The following AATK variants were observed in gnomAD, a reference collection of about 807,000 sequenced individuals.
AATK encodes the protein lemur tail kinase 1, also known as serine/threonine-protein kinase LMTK1.
Under a neutral mutation model 114.3 loss-of-function variants are expected in AATK, and 91 were observed. The observed-to-expected ratio is 0.80, with a 90% CI of 0.67 to 0.95. The LOEUF is 0.95. AATK is among the 40% of genes least tolerant of loss of function. The probability of loss-of-function intolerance (pLI) is 0.00; values close to 1 mark genes in which losing one functional copy is unlikely to be tolerated. For synonymous variants in AATK, 1,075 were observed against 916.5 expected (o/e 1.17, Z -3.12); for missense variants, 2,176 against 1,965.2 (o/e 1.11, Z -2.03).
chr17:81,132,728 C>T, intron 2 of AATK: 2 of 276,018 alleles, frequency 7.2e-6, no homozygotes, highest in Non-Finnish European at 1.5e-5. Context: ...GCATTGGGGG[C>T]CTGCCCAGCC....
At chr17:81,133,852 C>G (rs922106434) in intron 2 of AATK, among the ~76,000 whole-genome samples, 2 of 152,156 alleles carry the variant, frequency 1.3e-5, no homozygotes, top group Non-Finnish European at 2.9e-5. Flanking sequence ...CACACATCGT[C>G]CCCTCCAGAA....
intron 13 of AATK, among the ~76,000 whole-genome samples, chr17:81,119,172 GT>G (rs753031173): frequency 0.043 from 6,182 of 144,600 alleles, 150 homozygotes; most frequent in South Asian, 0.06. Context: ...TCAGGTGAGG[GT>G]CAGGTGAGGG....
chr17:81,136,990 G>T (rs569893720), intron 1 of AATK, among the ~76,000 whole-genome samples: 3 of 152,158 alleles, frequency 2.0e-5, no homozygotes, highest in African/African-American at 7.2e-5. Flanking sequence ...GGGCGCGGTG[G>T]CTCATGCCTG....
In AATK at chr17:81,158,418, T is replaced by C. The variant is rs567081792; in HGVS notation, c.55+7520A>G. Among the ~76,000 whole-genome samples, 5 of 152,272 alleles carry C rather than the reference T, an allele frequency of 3.3e-5. No individual in the cohort carries two copies. In the East Asian group the frequency reaches 9.7e-4, roughly 29 times the overall value. Reference sequence around the variant, plus strand: ...TGGTCAGTGTCTGCACCCAGCTCCCTGGGAAGGAAAGCGGGGCGTGTGCCG... The same window carrying C: ...TGGTCAGTGTCTGCACCCAGCTCCCCGGGAAGGAAAGCGGGGCGTGTGCCG... On this transcript the variant is annotated intron_variant, in intron 1 of 13. Transcript: ENST00000326724.
intron 1 of AATK, among the ~76,000 whole-genome samples, chr17:81,156,291 TG>T (rs1188139014): frequency 1.3e-5 from 2 of 149,132 alleles, no homozygotes; most frequent in African/African-American, 2.6e-5. Flanking sequence ...TTACAATGTA[TG>T]TTACTATGGC....
Position 81,126,380 on chromosome 17 carries a change from GGGCCTGGCCTAGGGCTTCCCGGCCGCT to G in AATK, c.755+20_755+46del. Reference sequence around the variant, plus strand: ...GCCCTATGCCCTTCCTTCAGGGGAGGGGCCTGGCCTAGGGCTTCCCGGCCGCTGGCCCGCGCCCGCCCTCACCTGTGC... The same window carrying G: ...GCCCTATGCCCTTCCTTCAGGGGAGGGGCCCGCGCCCGCCCTCACCTGTGC... On this transcript the variant is annotated intron_variant, in intron 7 of 13. Transcript: ENST00000326724. This position sits in a 1 kb window ranked among gnomAD's most constrained non-coding sequence, Gnocchi z 5.1. 6.6e-7 allele frequency: 1 copy of G among 1,523,422 alleles called. No individual in the cohort carries two copies. Among genetic ancestry groups the G allele is most frequent in the Non-Finnish European group, 8.9e-7 (1 of 1,129,076 alleles). 94.4% of individuals were successfully genotyped at this position (1,523,422 alleles called of 1,614,324 possible).
At chr17:81,131,020 C>T (rs1268927605) in intron 3 of AATK, 41 bp downstream of exon 3, 1 of 1,536,442 alleles carries the variant, frequency 6.5e-7, no homozygotes, top group Middle Eastern at 1.8e-4. Context: ...AGCACCTGGG[C>T]CCCGGAGGGA....
At chr17:81,162,515 G>A (rs1169459115) in intron 1 of AATK, among the ~76,000 whole-genome samples, 14 of 152,150 alleles carry the variant, frequency 9.2e-5, no homozygotes, top group Non-Finnish European at 2.9e-5. Flanking sequence ...GAGGACTCCC[G>A]GGGACCACCC....
chr17:81,123,290 G>T lies in AATK; in HGVS notation c.1016C>A (p.Pro339His), dbSNP rs1229662442. 77 of 1,405,006 alleles carry T rather than the reference G, an allele frequency of 5.5e-5. No individual in the cohort carries two copies. The highest frequency in any genetic ancestry group is 6.4e-5 in the Non-Finnish European group (69 of 1,078,790). 87.0% of individuals were successfully genotyped at this position (1,405,006 alleles called of 1,614,324 possible). A position where few individuals can be genotyped will look rare whatever the true frequency, so the allele number is the denominator to read the frequency against. ...CAGCACCTGCTGGTCCGAGTGCTGG[G>T]GATAGGGCTGCGTGCCCAGCTCAAA... Reference protein sequence around the residue: ...ELFELGTQPYPQHSDQQVLAY... With the variant: ...ELFELGTQPYHQHSDQQVLAY... Residue 339 changes from proline to histidine, a missense_variant, in exon 10 of 14, where the codon CCC becomes CAC. By Grantham distance (77) the Pro-to-His change is moderately conservative. Around this residue, in one of 4 missense-constraint regions of AATK, gnomAD observed 273 missense variants for 344.1 expected, o/e 0.79. Transcript: ENST00000326724.
intron 9 of AATK, 70 bp downstream of exon 9, chr17:81,124,657 A>G (rs1568224578): frequency 5.0e-6 from 8 of 1,585,208 alleles, no homozygotes; most frequent in Non-Finnish European, 6.9e-6. Context: ...ACTCATGGCC[A>G]TGATTTGACA....
At chr17:81,148,257 C>A (rs1394932160) in intron 1 of AATK, among the ~76,000 whole-genome samples, 1 of 152,212 alleles carries the variant, frequency 6.6e-6, no homozygotes, top group Non-Finnish European at 1.5e-5. Context: ...CAAACCTGAT[C>A]CCATCACTGC....
chr17:81,118,335 C>T lies in AATK; in HGVS notation c.*67G>A. 4.0e-6 allele frequency: 6 copies of T among 1,512,490 alleles called. No homozygotes were observed. Among genetic ancestry groups the T allele is most frequent in the African/African-American group, 1.4e-5 (1 of 72,318 alleles). 93.7% of individuals were successfully genotyped at this position (1,512,490 alleles called of 1,614,324 possible). Reference sequence around the variant, plus strand: ...ACGTGGTCCCCACCTTCTCGGTCACCATCCTCGCTGCTGCCTGGCAGGGGC... The same window carrying T: ...ACGTGGTCCCCACCTTCTCGGTCACTATCCTCGCTGCTGCCTGGCAGGGGC... On this transcript the variant is annotated 3_prime_UTR_variant, in exon 14 of 14. Coordinates refer to ENST00000326724, the MANE Select transcript of AATK (RefSeq NM_001080395.3).
chr17:81,121,267 A>G lies in AATK; in HGVS notation c.2669T>C (p.Phe890Ser). The change falls in exon 11 of 14, where the codon TTC becomes TCC. Residue 890 changes from phenylalanine (F) to serine (S), a missense_variant. This residue lies in a region of AATK where 1,701 missense variants were observed against 1,394.7 expected (regional missense o/e 1.22). Transcript: ENST00000326724. ...QARRPDVVPA[F>S]RSLQKQVGTP... The stretch of plus-strand genomic sequence containing the variant: ...CCCCACCTGCTTCTGCAGAGAGCGG[A>G]AGGCTGGCACCACATCCGGCCTCCT... The G allele has an allele frequency of 6.2e-7, 1 of 1,610,788 alleles. No homozygotes were observed. Among genetic ancestry groups the G allele is most frequent in the Non-Finnish European group, 8.5e-7 (1 of 1,179,242 alleles).
At chr17:81,155,480 G>A (rs1380186168) in intron 1 of AATK, among the ~76,000 whole-genome samples, 4 of 151,934 alleles carry the variant, frequency 2.6e-5, no homozygotes, top group South Asian at 2.1e-4. Context: ...TCCGCCTCCC[G>A]GATTCAAGTG....
In AATK at chr17:81,146,473, T is replaced by C. The variant is rs1175279841; in HGVS notation, c.56-11972A>G. Among the ~76,000 whole-genome samples the C allele has an allele frequency of 2.0e-5, 3 of 151,776 alleles. No homozygotes were observed. The East Asian group carries it at 5.8e-4, about 29-fold the overall frequency. The stretch of plus-strand genomic sequence containing the variant: ...GCTCACACCTATAATCCCAGCACTT[T>C]GGGAGGCCGAGGTGGGTGGATCACT... On this transcript the variant is annotated intron_variant, in intron 1 of 13. Transcript: ENST00000326724.
rs749708936 is a variant in AATK, at chr17:81,126,564, C to T, written c.622-4G>A. The T allele has an allele frequency of 1.3e-6, 2 of 1,537,534 alleles. No individual in the cohort carries two copies. The highest frequency in any genetic ancestry group is 1.4e-5 in the African/African-American group (1 of 72,814). On this transcript the variant is annotated splice_polypyrimidine_tract_variant and splice_region_variant and intron_variant, in intron 6 of 13. Transcript: ENST00000326724. The surrounding 1 kb of genome is among the most constrained non-coding windows in gnomAD (Gnocchi z 5.1). ...GCAGGTAGCCCTTGAGGTCCCCCTG[C>T]AGAAAGGGGGTGTGGCGCAGTCACC...
intron 13 of AATK, 146 bp downstream of exon 13, chr17:81,119,233 GC>G: frequency 4.7e-6 from 1 of 211,760 alleles, no homozygotes; most frequent in Non-Finnish European, 7.1e-6. Context: ...TAGGTCTGGG[GC>G]CGGGAAGGAG....
chr17:81,153,744 T>C (rs2061326653), intron 1 of AATK, among the ~76,000 whole-genome samples: 2 of 151,978 alleles, frequency 1.3e-5, no homozygotes, highest in Admixed American at 6.5e-5. Context: ...GAGAATCTAA[T>C]AGGAATGCTC....
At chr17:81,143,718 C>A (rs963049110) in intron 1 of AATK, among the ~76,000 whole-genome samples, 5 of 152,218 alleles carry the variant, frequency 3.3e-5, no homozygotes, top group East Asian at 1.9e-4. Flanking sequence ...AGGGGCCCCA[C>A]GGTGGGTGGC....
Sources: gnomAD v4.1 joint callset for allele counts (sites outside exome capture counted in the v4.1 genomes callset) on GRCh38, gnomAD v4.1.1 for gene constraint, gnomAD v4.1.1 regional missense constraint, Gnocchi (gnomAD v3.1) non-coding constraint, MANE v1.5 for transcripts, NCBI Gene and HGNC (gene_info 2026-07-23, HGNC 2026-07-21) for gene names.